ABCC3: variants seen among roughly 807,000 people sequenced by gnomAD.
ABCC3 encodes ATP-binding cassette sub-family C member 3.
In ABCC3, 121 loss-of-function variants were observed where a neutral mutation model predicts 165.3. The ratio of observed to expected loss-of-function variants is 0.73; its 90% confidence interval spans 0.63 to 0.85. The LOEUF is 0.85. Ranked by LOEUF, ABCC3 falls within the 40% of genes least tolerant of loss-of-function variation. The pLI is 0.00. For missense variants in ABCC3, 1,869 were observed against 1,964.1 expected (o/e 0.95, Z 0.92); for synonymous variants, 733 against 810.1 (o/e 0.90, Z 1.62).
Position 50,668,003 on chromosome 17 carries a change from G to C in ABCC3, c.1776G>C (p.Leu592=), listed in dbSNP as rs748889956. The C allele has an allele frequency of 6.2e-7, 1 of 1,613,998 alleles. No homozygotes were observed. Among genetic ancestry groups the C allele is most frequent in the Admixed American group, 1.7e-5 (1 of 60,020 alleles). ...TGCTGCCCCAGTTAATCAGCAACCT[G>C]ACTCAGGTAACCCTGGGTAGGGCTG... ...LNMLPQLISN[L]TQASVSLKRI... The change falls in exon 13 of 31, where the codon CTG becomes CTC. Residue 592 remains leucine (L), a synonymous_variant. Transcript: ENST00000285238.
In ABCC3 at chr17:50,669,198, G is replaced by T; in HGVS notation, c.1996G>T (p.Gly666Trp). ...LVAVVGPVGCGKSSLVSALLG... is the reference protein window; with the variant it reads ...LVAVVGPVGCWKSSLVSALLG... Reference sequence around the variant, plus strand: ...GGCCGTGGTGGGGCCTGTGGGCTGTGGGAAGTCCTCCCTGGTGTCTGCCCT... The same window carrying T: ...GGCCGTGGTGGGGCCTGTGGGCTGTTGGAAGTCCTCCCTGGTGTCTGCCCT... The change falls in exon 16 of 31, where the codon GGG becomes TGG. Residue 666 changes from glycine (G) to tryptophan (W), a missense_variant. Coordinates refer to ENST00000285238, the MANE Select transcript of ABCC3 (RefSeq NM_003786.4). 1 of 1,610,530 alleles carries T rather than the reference G, an allele frequency of 6.2e-7. No individual in the cohort carries two copies. Among genetic ancestry groups the T allele is most frequent in the Non-Finnish European group, 8.5e-7 (1 of 1,178,982 alleles).
intron 1 of ABCC3, among the ~76,000 whole-genome samples, chr17:50,649,405 A>T (rs1389945023): frequency 6.6e-6 from 1 of 152,188 alleles, no homozygotes; most frequent in African/African-American, 2.4e-5. Context: ...ACATGTTCTG[A>T]TGATCTGGCA....
intron 28 of ABCC3, among the ~76,000 whole-genome samples, chr17:50,684,368 C>A (rs1034419831): frequency 1.3e-5 from 2 of 152,184 alleles, no homozygotes; most frequent in East Asian, 1.9e-4. Context: ...AGAACCCCTT[C>A]CCCCGAGACA....
chr17:50,657,189 G>T lies in ABCC3; in HGVS notation c.486+6G>T. 1 of 1,613,382 alleles carries T rather than the reference G, an allele frequency of 6.2e-7. No individual in the cohort carries two copies. Among genetic ancestry groups the T allele is most frequent in the Non-Finnish European group, 8.5e-7 (1 of 1,179,624 alleles). ...TCCTTTTAGCCAAGGCAGAGGTAAG[G>T]TTGGGGGAGAGGGGAACCTGCCAGG... is the stretch of plus-strand genomic sequence containing the variant. On this transcript the variant is annotated splice_donor_region_variant and intron_variant, in intron 4 of 30. Transcript: ENST00000285238.
In ABCC3 at chr17:50,660,906, C is replaced by A; in HGVS notation, c.807-17C>A. On this transcript the variant is annotated splice_polypyrimidine_tract_variant and intron_variant, in intron 7 of 30. Coordinates refer to ENST00000285238, the MANE Select transcript of ABCC3 (RefSeq NM_003786.4). ...TGTCCCCATTCCTAACCCACTGCTCCTTCCTCCCTGGACCAGACACAAGGC... is the reference window on the plus strand; with the variant it reads ...TGTCCCCATTCCTAACCCACTGCTCATTCCTCCCTGGACCAGACACAAGGC... The A allele has an allele frequency of 6.4e-7, 1 of 1,571,620 alleles. No homozygotes were observed. The highest frequency in any genetic ancestry group is 1.2e-5 in the South Asian group (1 of 83,706).
chr17:50,657,098 C>G lies in ABCC3; in HGVS notation c.401C>G (p.Ser134Trp), dbSNP rs755649633. ...QYERLQGVQS[S>W]GVLIIFWFLC... The stretch of plus-strand genomic sequence containing the variant: ...GAGCGGCTGCAGGGCGTACAGTCTT[C>G]GGGGGTCCTCATTATCTTCTGGTTC... The change falls in exon 4 of 31, where the codon TCG becomes TGG. Residue 134 changes from serine to tryptophan, a missense_variant. Physicochemically the swap from Ser to Trp is radical, Grantham distance 177 (BLOSUM62 -3). Transcript: ENST00000285238. 6.2e-7 allele frequency: 1 copy of G among 1,614,030 alleles called. No homozygotes were observed. Among genetic ancestry groups the G allele is most frequent in the Non-Finnish European group, 8.5e-7 (1 of 1,180,026 alleles).
chr17:50,651,486 G>C (rs554154753), intron 1 of ABCC3, among the ~76,000 whole-genome samples: 4 of 152,288 alleles, frequency 2.6e-5, no homozygotes, highest in African/African-American at 9.6e-5. Flanking sequence ...ACTTTGGGAG[G>C]CTGAGGCAGG....
At chr17:50,637,926 G>A (rs1487411818) in intron 1 of ABCC3, among the ~76,000 whole-genome samples, 1 of 152,216 alleles carries the variant, frequency 6.6e-6, no homozygotes, top group African/African-American at 2.4e-5. Flanking sequence ...TCCTGGCTCA[G>A]TCTGAGGGTA....
At chr17:50,664,257 A>AGAGTTCTGGCT in intron 10 of ABCC3, 146 bp downstream of exon 10, 1 of 1,150,948 alleles carries the variant, frequency 8.7e-7, no homozygotes, top group Non-Finnish European at 1.2e-6. Context: ...CTTGAGCCCA[A>AGAGTTCTGGCT]GAGTTCTGGC....
rs756988794 is a variant in ABCC3 at position 50,675,971 on chromosome 17, C to T, written c.2948C>T (p.Ala983Val). 1.2e-5 allele frequency: 19 copies of T among 1,614,036 alleles called. No homozygotes were observed. Among genetic ancestry groups the T allele is most frequent in the Admixed American group, 5.0e-5 (3 of 60,000 alleles). Reference protein sequence around the residue: ...AICLLYVGQSAAAIGANVWLS... With the variant: ...AICLLYVGQSVAAIGANVWLS... Reference sequence around the variant, plus strand: ...TGTCTCCTGTATGTGGGTCAAAGTGCGGCTGCCATTGGAGCCAATGTGTGG... The same window carrying T: ...TGTCTCCTGTATGTGGGTCAAAGTGTGGCTGCCATTGGAGCCAATGTGTGG... The change falls in exon 22 of 31, where the codon GCG becomes GTG. Residue 983 changes from alanine (A) to valine (V), a missense_variant. Physicochemically the swap from Ala to Val is moderately conservative, Grantham distance 64. Transcript: ENST00000285238.
At chr17:50,638,049 G>A (rs1300676351) in intron 1 of ABCC3, among the ~76,000 whole-genome samples, 1 of 152,174 alleles carries the variant, frequency 6.6e-6, no homozygotes, top group Non-Finnish European at 1.5e-5. Flanking sequence ...CACCCATATC[G>A]ACTTTGAAGC....
intron 1 of ABCC3, 105 bp from the exon 2 acceptor site, chr17:50,655,727 A>G (rs1967224944): frequency 1.9e-6 from 2 of 1,049,452 alleles, no homozygotes; most frequent in Non-Finnish European, 2.8e-6. Context: ...CTTCCACTCC[A>G]CCCCTGTCTC....
chr17:50,673,145 C>G lies in ABCC3; in HGVS notation c.2409+7C>G, dbSNP rs758120426. 1.9e-6 allele frequency: 3 copies of G among 1,613,432 alleles called. No individual in the cohort carries two copies. Among genetic ancestry groups the G allele is most frequent in the Non-Finnish European group, 2.5e-6 (3 of 1,180,014 alleles). Reference sequence around the variant, plus strand: ...AGGCGTGCTGGCAGGCAAGGTGAGGCCTGCCAGAGGCTAAGGGGGCTAAGG... The same window carrying G: ...AGGCGTGCTGGCAGGCAAGGTGAGGGCTGCCAGAGGCTAAGGGGGCTAAGG... On this transcript the variant is annotated splice_region_variant and intron_variant, in intron 18 of 30. Coordinates refer to ENST00000285238, the MANE Select transcript of ABCC3 (RefSeq NM_003786.4).
chr17:50,684,938 T>C, intron 29 of ABCC3, 63 bp downstream of exon 29: 2 of 1,561,684 alleles, frequency 1.3e-6, no homozygotes, highest in Non-Finnish European at 1.7e-6. Context: ...TGGCGGGTGC[T>C]GGGAAACCTG....
At chr17:50,641,245 C>T (rs1044289942) in intron 1 of ABCC3, among the ~76,000 whole-genome samples, 1 of 152,170 alleles carries the variant, frequency 6.6e-6, no homozygotes, top group Admixed American at 6.5e-5. Flanking sequence ...GCTGTTTAAT[C>T]GCATTATTAA....
Position 50,678,109 on chromosome 17 carries a change from G to A in ABCC3, c.3595G>A (p.Val1199Met), listed in dbSNP as rs890019735. 1.3e-6 allele frequency: 2 copies of A among 1,596,628 alleles called. No homozygotes were observed. The highest frequency in any genetic ancestry group is 2.3e-5 in the South Asian group (2 of 88,696). The change falls in exon 25 of 31, where the codon GTG becomes ATG. Residue 1199 changes from valine (V) to methionine (M), a missense_variant. Coordinates refer to ENST00000285238, the MANE Select transcript of ABCC3 (RefSeq NM_003786.4). Reference sequence around the variant, plus strand: ...CCCCCATAGGTGGCTGAGCATCGGAGTGGAGTTCGTGGGGAACTGCGTGGT... The same window carrying A: ...CCCCCATAGGTGGCTGAGCATCGGAATGGAGTTCGTGGGGAACTGCGTGGT... ...IISNRWLSIG[V>M]EFVGNCVVLF... is the part of the protein sequence containing the mutation.
intron 19 of ABCC3, among the ~76,000 whole-genome samples, chr17:50,673,907 T>C (rs529582142): frequency 2.0e-3 from 22 of 10,944 alleles, no homozygotes; most frequent in South Asian, 0.02. Context: ...CTGTTTTCTT[T>C]CTTTCTTTCT....
Position 50,655,936 on chromosome 17 carries a change from C to T in ABCC3, c.150C>T (p.Pro50=). ...VPCIYLWVAL[P]CYLLYLRHHC... is the part of the protein sequence containing the mutation. ...GCATCTACCTGTGGGTCGCCCTGCC[C>T]TGCTACTTGCTCTACCTGCGGCACC... is the stretch of plus-strand genomic sequence containing the variant. The change falls in exon 2 of 31, where the codon CCC becomes CCT. Residue 50 remains proline, a synonymous_variant. Transcript: ENST00000285238. The T allele has an allele frequency of 6.2e-7, 1 of 1,614,066 alleles. No individual in the cohort carries two copies. Among genetic ancestry groups the T allele is most frequent in the African/African-American group, 1.3e-5 (1 of 75,026 alleles).
chr17:50,679,728 GA>G, intron 25 of ABCC3, 69 bp from the exon 26 acceptor site: 1 of 1,428,290 alleles, frequency 7.0e-7, no homozygotes, highest in Non-Finnish European at 9.8e-7. Context: ...CCAGGAGTCT[GA>G]ACTCCTCCCA....
Sources: gnomAD v4.1 joint callset for allele counts (sites outside exome capture counted in the v4.1 genomes callset) on GRCh38, gnomAD v4.1.1 for gene constraint, MANE v1.5 for transcripts, NCBI Gene and HGNC (gene_info 2026-07-23, HGNC 2026-07-21) for gene names.